The following RASGRF2 variants were observed in gnomAD, a reference collection of about 807,000 sequenced individuals.
RASGRF2 encodes the protein Ras protein specific guanine nucleotide releasing factor 2, also known as ras-specific guanine nucleotide-releasing factor 2.
Under a neutral mutation model 151.0 loss-of-function variants are expected in RASGRF2, and 76 were observed. That is an observed-to-expected ratio of 0.50 (90% confidence interval 0.42 to 0.61). The LOEUF (loss-of-function observed/expected upper bound fraction) is 0.61, where lower values mean the gene tolerates loss of function less well. Ranked by LOEUF, RASGRF2 falls within the 20% of genes least tolerant of loss-of-function variation. RASGRF2 has a pLI of 0.00. For missense variants in RASGRF2, 1,148 were observed against 1,564.6 expected (o/e 0.73, Z 4.49); for synonymous variants, 504 against 566.5 (o/e 0.89, Z 1.57).
At chr5:81,214,886 T>G (rs1755700903) in intron 23 of RASGRF2, among the ~76,000 whole-genome samples, 2 of 152,244 alleles carry the variant, frequency 1.3e-5, no homozygotes, top group African/African-American at 4.8e-5. Context: ...GTTATACTTC[T>G]CTAACAAATG....
intron 9 of RASGRF2, among the ~76,000 whole-genome samples, chr5:81,089,682 C>T (rs1340415107): frequency 6.6e-6 from 1 of 152,188 alleles, no homozygotes; most frequent in Non-Finnish European, 1.5e-5. Context: ...AGCTGCATCA[C>T]TGGAGGTCAA....
rs1366017874 is a variant in RASGRF2, at chr5:80,960,681, A to G, written c.-58A>G. Reference sequence around the variant, plus strand: ...CGCCCTCGAGGGAGCCAGCTGGGCCATGGCCGCGAGGCAGGGGTGAGACCG... The same window carrying G: ...CGCCCTCGAGGGAGCCAGCTGGGCCGTGGCCGCGAGGCAGGGGTGAGACCG... On this transcript the variant is annotated 5_prime_UTR_variant, in exon 1 of 27. An upstream start codon of the reference 5' UTR is lost. Transcript: ENST00000265080. This position sits in a 1 kb window ranked among gnomAD's most constrained non-coding sequence, Gnocchi z 5.5. 6 of 1,373,812 alleles carry G rather than the reference A, an allele frequency of 4.4e-6. No individual in the cohort carries two copies. In the African/African-American group the frequency reaches 7.4e-5, roughly 17 times the overall value. 85.1% of individuals were successfully genotyped at this position (1,373,812 alleles called of 1,614,324 possible). A position where few individuals can be genotyped will look rare whatever the true frequency, so the allele number is the denominator to read the frequency against.
At chr5:81,112,025 T>A (rs1292903023) in intron 13 of RASGRF2, among the ~76,000 whole-genome samples, 1 of 152,196 alleles carries the variant, frequency 6.6e-6, no homozygotes, top group Admixed American at 6.5e-5. Flanking sequence ...ATCTTCCTAA[T>A]AAAACATGAC....
chr5:81,118,409 G>A (rs1483404440), intron 15 of RASGRF2, among the ~76,000 whole-genome samples: 3 of 152,238 alleles, frequency 2.0e-5, no homozygotes, highest in Admixed American at 2.0e-4. Flanking sequence ...GCACTGCACA[G>A]GAATGTGGGG....
rs16878328 is a variant in RASGRF2, at chr5:81,020,274, T to C, written c.289-22603T>C. ...AGGATTTGTGAGATCATTGTAATGT[T>C]CTGGTTTTCCATGGCTTATGATAAA... On this transcript the variant is annotated intron_variant, in intron 1 of 26. Transcript: ENST00000265080. Among the ~76,000 whole-genome samples the C allele has an allele frequency of 3.6e-3, 547 of 152,320 alleles. 16 individuals carry two copies. The South Asian group carries it at 0.06, about 17-fold the overall frequency.
At position 81,227,639 on chromosome 5, in the gene RASGRF2, T is replaced by G. The variant is rs1272723934; in HGVS notation, c.*1869T>G. The G allele has an allele frequency of 1.3e-5, 2 of 152,362 alleles. No homozygotes were observed. The highest frequency in any genetic ancestry group is 2.1e-4 in the South Asian group (1 of 4,830). 9.4% of individuals were successfully genotyped at this position (152,362 alleles called of 1,614,324 possible). A position where few individuals can be genotyped will look rare whatever the true frequency, so the allele number is the denominator to read the frequency against. On this transcript the variant is annotated 3_prime_UTR_variant, in exon 27 of 27. Transcript: ENST00000265080. ...AGGGTTTGAAATAATATGTATCAGT[T>G]GCACCAAACACCTCAAGGTCTTGCA...
At chr5:81,178,196 C>T (rs1754827056) in intron 17 of RASGRF2, among the ~76,000 whole-genome samples, 1 of 152,174 alleles carries the variant, frequency 6.6e-6, no homozygotes, top group Non-Finnish European at 1.5e-5. Context: ...AGCTCAGCCC[C>T]AGTTTTGGTT....
At chr5:81,148,263 A>G (rs1238136737) in intron 17 of RASGRF2, among the ~76,000 whole-genome samples, 2 of 152,156 alleles carry the variant, frequency 1.3e-5, no homozygotes, top group African/African-American at 4.8e-5. Context: ...ACTTTTGTTT[A>G]GTGGTATTTC....
At chr5:81,033,759 C>T (rs1428621831) in intron 1 of RASGRF2, among the ~76,000 whole-genome samples, 1 of 152,204 alleles carries the variant, frequency 6.6e-6, no homozygotes, top group Non-Finnish European at 1.5e-5. Flanking sequence ...ATGTCTAAAA[C>T]ACCAAAAGCA....
chr5:81,133,927 G>T (rs112856081), intron 17 of RASGRF2, among the ~76,000 whole-genome samples: 174 of 152,172 alleles, frequency 1.1e-3, no homozygotes, highest in African/African-American at 3.7e-3. Flanking sequence ...ATGTGAGTTG[G>T]GCTTGGATCG....
At chr5:81,093,215 A>C (rs1365067079) in intron 10 of RASGRF2, among the ~76,000 whole-genome samples, 1 of 152,250 alleles carries the variant, frequency 6.6e-6, no homozygotes, top group Non-Finnish European at 1.5e-5. Flanking sequence ...GGACAAAATT[A>C]TATACTGTAC....
intron 1 of RASGRF2, among the ~76,000 whole-genome samples, chr5:81,039,867 A>G (rs769153666): frequency 2.0e-5 from 3 of 152,196 alleles, no homozygotes; most frequent in Non-Finnish European, 4.4e-5. Flanking sequence ...ATTTTTGTGT[A>G]ATCAAATCAT....
intron 1 of RASGRF2, among the ~76,000 whole-genome samples, chr5:81,025,560 G>C (rs1749989932): frequency 6.6e-6 from 1 of 152,148 alleles, no homozygotes; most frequent in Non-Finnish European, 1.5e-5. Flanking sequence ...TTATGGCCTT[G>C]AGTGAGTGAA....
chr5:81,157,470 G>A (rs1377716087), intron 17 of RASGRF2, among the ~76,000 whole-genome samples: 9 of 151,968 alleles, frequency 5.9e-5, no homozygotes, highest in South Asian at 2.1e-4. Context: ...TACCAAGTTC[G>A]TTGACTGGAA....
At chr5:81,196,707 C>T (rs1398845779) in intron 18 of RASGRF2, among the ~76,000 whole-genome samples, 2 of 150,478 alleles carry the variant, frequency 1.3e-5, no homozygotes, top group Admixed American at 6.6e-5. Context: ...ACCCTCAGCA[C>T]GGTCTAAACA....
intron 1 of RASGRF2, among the ~76,000 whole-genome samples, chr5:81,023,431 G>A (rs145896925): frequency 5.3e-5 from 8 of 152,268 alleles, no homozygotes; most frequent in Non-Finnish European, 1.2e-4. Flanking sequence ...CCATCCTCTA[G>A]GGGACCTGTG....
At chr5:80,981,108 C>A (rs1748285090) in intron 1 of RASGRF2, among the ~76,000 whole-genome samples, 1 of 152,186 alleles carries the variant, frequency 6.6e-6, no homozygotes, top group African/African-American at 2.4e-5. Context: ...CCCAATACAG[C>A]AATACTACTT....
In RASGRF2 at chr5:80,960,721, G is replaced by A; in HGVS notation, c.-18G>A. 1 of 1,516,492 alleles carries A rather than the reference G, an allele frequency of 6.6e-7. No individual in the cohort carries two copies. 93.9% of individuals were successfully genotyped at this position (1,516,492 alleles called of 1,614,324 possible). A position where few individuals can be genotyped will look rare whatever the true frequency, so the allele number is the denominator to read the frequency against. The stretch of plus-strand genomic sequence containing the variant: ...GGGTGAGACCGGCGGCCACCCGTGA[G>A]CCCTCCGCACCCGCACCATGCAGAA... On this transcript the variant is annotated 5_prime_UTR_variant, in exon 1 of 27. Coordinates refer to ENST00000265080, the MANE Select transcript of RASGRF2 (RefSeq NM_006909.3). The surrounding 1 kb of genome is among the most constrained non-coding windows in gnomAD (Gnocchi z 5.5).
At chr5:81,171,430 A>T (rs1007943425) in intron 17 of RASGRF2, among the ~76,000 whole-genome samples, 2 of 152,196 alleles carry the variant, frequency 1.3e-5, no homozygotes, top group Non-Finnish European at 2.9e-5. Flanking sequence ...CTAATGCCCC[A>T]TCAAGGAATT....
Sources: allele counts gnomAD v4.1 joint callset (sites outside exome capture counted in the v4.1 genomes callset), GRCh38; gene constraint gnomAD v4.1.1; non-coding constraint Gnocchi (gnomAD v3.1); transcripts MANE v1.5; gene names NCBI Gene and HGNC (gene_info 2026-07-23, HGNC 2026-07-21).